The following CHODL variants were observed in gnomAD, a reference collection of about 807,000 sequenced individuals.
The protein encoded by CHODL is chondrolectin.
Under a neutral mutation model 34.5 loss-of-function variants are expected in CHODL, and 29 were observed. That is an observed-to-expected ratio of 0.84 (90% confidence interval 0.63 to 1.15). CHODL has a LOEUF of 1.15. Ranked by LOEUF, CHODL falls within the 50% of genes most tolerant of loss-of-function variation. The pLI, the probability that CHODL is intolerant of heterozygous loss-of-function variation, is 0.00. For missense variants in CHODL, 332 were observed against 332.5 expected, an observed-to-expected ratio of 1.00 and a Z score of 0.01; for synonymous variants, 125 against 116.1, an observed-to-expected ratio of 1.08 and a Z score of -0.49.
At chr21:18,034,069 T>G (rs916648906) in intron 2 of CHODL, among the ~76,000 whole-genome samples, 1 of 152,002 alleles carries the variant, frequency 6.6e-6, no homozygotes, top group African/African-American at 2.4e-5. Context: ...AAACAATGAC[T>G]TGGCAAGCTT....
At chr21:18,258,004 GT>G (rs1382066716) in intron 3 of CHODL, among the ~76,000 whole-genome samples, 2 of 152,020 alleles carry the variant, frequency 1.3e-5, no homozygotes, top group African/African-American at 4.8e-5. Flanking sequence ...TTCTGAAGAG[GT>G]GTCTGCTTGA....
intron 2 of CHODL, among the ~76,000 whole-genome samples, chr21:18,081,842 T>G (rs1392671634): frequency 6.6e-6 from 1 of 152,218 alleles, no homozygotes. Flanking sequence ...GTGGCTAGTT[T>G]GTTGAGGAAT....
intron 1 of CHODL, among the ~76,000 whole-genome samples, chr21:17,999,588 C>T (rs1406596093): frequency 6.6e-6 from 1 of 152,216 alleles, no homozygotes; most frequent in Non-Finnish European, 1.5e-5. Flanking sequence ...ATGAAAGGCA[C>T]TTCTTACGTG....
At chr21:17,945,120 G>A (rs904404368) in intron 1 of CHODL, among the ~76,000 whole-genome samples, 11 of 151,794 alleles carry the variant, frequency 7.2e-5, no homozygotes. Flanking sequence ...GCTGAGGTAG[G>A]AGAATGGCGT....
rs115355572 is a variant in CHODL, at chr21:18,223,893, C to G, written c.-44-32616C>G. Among the ~76,000 whole-genome samples, 603 of 152,246 alleles carry G rather than the reference C, an allele frequency of 4.0e-3. 3 individuals carry two copies. Among genetic ancestry groups the G allele is most frequent in the African/African-American group, 0.014 (565 of 41,554 alleles). On this transcript the variant is annotated intron_variant, in intron 2 of 6. Transcript: ENST00000400127. Reference sequence around the variant, plus strand: ...CATTAGTCAATTTAGAATAATACTTCAGTAGCAAGAATCATGAAAATAAAT... The same window carrying G: ...CATTAGTCAATTTAGAATAATACTTGAGTAGCAAGAATCATGAAAATAAAT...
intron 1 of CHODL, among the ~76,000 whole-genome samples, chr21:17,988,017 C>T (rs1234606521): frequency 1.3e-5 from 2 of 151,788 alleles, no homozygotes; most frequent in South Asian, 2.1e-4. Context: ...CATTTGGCCT[C>T]AAAGTAAGTC....
At chr21:18,230,105 AG>A (rs1464266066) in intron 2 of CHODL, among the ~76,000 whole-genome samples, 5 of 152,268 alleles carry the variant, frequency 3.3e-5, no homozygotes, top group South Asian at 2.1e-4. Context: ...AGGGGAAAAA[AG>A]TTTCTGTACT....
chr21:18,171,655 C>A (rs1568921854), intron 2 of CHODL, among the ~76,000 whole-genome samples: 1 of 151,906 alleles, frequency 6.6e-6, no homozygotes, highest in Non-Finnish European at 1.5e-5. Context: ...GCATGTCTTA[C>A]AATTCTTTGG....
chr21:18,041,599 TATG>T (rs1433196382), intron 2 of CHODL, among the ~76,000 whole-genome samples: 2 of 151,936 alleles, frequency 1.3e-5, no homozygotes, highest in African/African-American at 2.4e-5. Context: ...AAGCACAATA[TATG>T]ATTAAATCAT....
At chr21:17,943,543 A>G (rs574929483) in intron 1 of CHODL, among the ~76,000 whole-genome samples, 1 of 152,354 alleles carries the variant, frequency 6.6e-6, no homozygotes, top group South Asian at 2.1e-4. Context: ...AGGATGGTGA[A>G]GTAAGAAGTC....
intron 5 of CHODL, among the ~76,000 whole-genome samples, chr21:18,263,163 A>G (rs575351885): frequency 6.6e-6 from 1 of 152,270 alleles, no homozygotes; most frequent in Non-Finnish European, 1.5e-5. Flanking sequence ...CTTGGGTACC[A>G]TAGTTAGTGT....
intron 1 of CHODL, among the ~76,000 whole-genome samples, chr21:18,007,023 T>C (rs2063967363): frequency 6.6e-6 from 1 of 152,212 alleles, no homozygotes; most frequent in Non-Finnish European, 1.5e-5. Flanking sequence ...TAAACGTAAG[T>C]ATATTGTGTT....
chr21:17,946,387 T>C (rs543007471), intron 1 of CHODL, among the ~76,000 whole-genome samples: 34 of 152,248 alleles, frequency 2.2e-4, no homozygotes, highest in Middle Eastern at 3.4e-3. Flanking sequence ...GCCACTGCAC[T>C]CCAGCCTGGG....
At chr21:18,118,858 G>GT (rs765288274) in intron 2 of CHODL, among the ~76,000 whole-genome samples, 5 of 151,850 alleles carry the variant, frequency 3.3e-5, no homozygotes. Context: ...TTTTTTGTTT[G>GT]TTTTTTACAG....
intron 2 of CHODL, among the ~76,000 whole-genome samples, chr21:18,238,439 A>G (rs56367548): frequency 0.046 from 6,981 of 152,134 alleles, 511 homozygotes; most frequent in African/African-American, 0.16. Flanking sequence ...ATCTTGTGAG[A>G]CTCATTCACT....
chr21:18,035,996 C>A (rs1021446493), intron 2 of CHODL, among the ~76,000 whole-genome samples: 1 of 151,980 alleles, frequency 6.6e-6, no homozygotes, highest in Admixed American at 6.6e-5. Flanking sequence ...ACTTGGCTGA[C>A]AGACATTATA....
chr21:17,921,038 T>A lies in CHODL; in HGVS notation c.-145+3638T>A, dbSNP rs116193887. 8.0e-3 allele frequency among the ~76,000 whole-genome samples: 1,217 copies of A among 152,298 alleles called. 18 individuals are homozygous for A. The highest frequency in any genetic ancestry group is 0.027 in the African/African-American group (1,121 of 41,552). ...TTTTGGCCAAGGGTTTGTATTAGTC[T>A]GGACTCACAAGAGAAACAGGACCAA... On this transcript the variant is annotated intron_variant, in intron 1 of 6. Coordinates refer to the CHODL transcript ENST00000400127.
chr21:18,113,265 C>T (rs1002270633), intron 2 of CHODL, among the ~76,000 whole-genome samples: 6 of 152,174 alleles, frequency 3.9e-5, no homozygotes, highest in South Asian at 4.2e-4. Context: ...CAAATGCTGG[C>T]GAGGATGCGG....
At chr21:18,095,133 A>G (rs3958576) in intron 2 of CHODL, among the ~76,000 whole-genome samples, 60,082 of 151,476 alleles carry the variant, frequency 0.4, 13,232 homozygotes, top group Non-Finnish European at 0.51. Flanking sequence ...CAAAAAAAAA[A>G]AAGAAGGAAA....
Sources: allele counts gnomAD v4.1 joint callset (sites outside exome capture counted in the v4.1 genomes callset), GRCh38; gene constraint gnomAD v4.1.1; transcripts MANE v1.5; gene names NCBI Gene and HGNC (gene_info 2026-07-23, HGNC 2026-07-21).